ZNF219: variants seen among roughly 807,000 people sequenced by gnomAD.
ZNF219 encodes zinc finger protein 219.
In ZNF219, 17 loss-of-function variants were observed where a neutral mutation model predicts 54.4. That is an observed-to-expected ratio of 0.31 (90% CI 0.21 to 0.47). ZNF219 has a LOEUF of 0.47. ZNF219 is among the 20% of genes least tolerant of loss of function. The probability of loss-of-function intolerance (pLI) is 1.00; values close to 1 mark genes in which losing one functional copy is unlikely to be tolerated. For missense variants in ZNF219, 1,014 were observed against 1,062.3 expected, an observed-to-expected ratio of 0.95 and a Z score of 0.63; for synonymous variants, 518 against 476.4, an observed-to-expected ratio of 1.09 and a Z score of -1.14.
rs1888954257 is a variant in ZNF219, at chr14:21,092,132, C to T, written c.1165G>A (p.Gly389Ser). 1.3e-6 allele frequency: 2 copies of T among 1,503,914 alleles called. No individual in the cohort carries two copies. The highest frequency in any genetic ancestry group is 1.8e-6 in the Non-Finnish European group (2 of 1,130,112). 93.2% of individuals were successfully genotyped at this position (1,503,914 alleles called of 1,614,324 possible). A position where few individuals can be genotyped will look rare whatever the true frequency, so the allele number is the denominator to read the frequency against. The change falls in exon 3 of 5, where the codon GGC (glycine) becomes AGC (serine). Residue 389 changes from glycine (G) to serine (S), a missense_variant. Around this residue, in one of 5 missense-constraint regions of ZNF219, gnomAD observed 272 missense variants for 248.9 expected, o/e 1.09. Coordinates refer to ENST00000360947, the MANE Select transcript of ZNF219 (RefSeq NM_016423.3). ...TCAGCACCCTCGCCGTTGGGCCGGCCCTCGCCAGCTCGCAGGCTCAGGTAG... is the reference window on the plus strand; with the variant it reads ...TCAGCACCCTCGCCGTTGGGCCGGCTCTCGCCAGCTCGCAGGCTCAGGTAG... ...LGYLSLRAGE[G>S]RPNGEGAEPG... is the part of the protein sequence containing the mutation.
At position 21,092,382 on chromosome 14, in the gene ZNF219, C is replaced by G. The variant is rs777434690; in HGVS notation, c.915G>C (p.Pro305=). The G allele has an allele frequency of 6.3e-7, 1 of 1,575,454 alleles. No homozygotes were observed. Among genetic ancestry groups the G allele is most frequent in the East Asian group, 2.3e-5 (1 of 42,610 alleles). ...KHKASFDHAC[P]VCGRCFKEPW... ...GCTCCTTGAAGCAGCGGCCGCACAC[C>G]GGACACGCATGATCGAAGGAGGCCT... is the stretch of plus-strand genomic sequence containing the variant. The change falls in exon 3 of 5, where the codon CCG becomes CCC. Residue 305 remains proline, a synonymous_variant. Transcript: ENST00000360947.
chr14:21,092,483 G>A lies in ZNF219; in HGVS notation c.814C>T (p.Pro272Ser), dbSNP rs1325835441. The A allele has an allele frequency of 2.6e-6, 4 of 1,553,380 alleles. No individual in the cohort carries two copies. The highest frequency in any genetic ancestry group is 3.5e-6 in the Non-Finnish European group (4 of 1,148,458). The change falls in exon 3 of 5, where the codon CCG becomes TCG. Residue 272 changes from proline (P) to serine (S), a missense_variant. Around this residue, in one of 5 missense-constraint regions of ZNF219, gnomAD observed 395 missense variants for 415.1 expected, o/e 0.95. Transcript: ENST00000360947. ...PAAPEEPPAP[P>S]EFRCQVCGQS... ...CCGCACACTTGGCAGCGGAACTCCG[G>A]AGGCGCTGGGGGCTCCTCGGGAGCG...
rs148904564 is a variant in ZNF219 at position 21,092,859 on chromosome 14, G to A, written c.438C>T (p.Thr146=). The change falls in exon 3 of 5, where the codon ACC becomes ACT. Residue 146 remains threonine, a synonymous_variant. Coordinates refer to ENST00000360947, the MANE Select transcript of ZNF219 (RefSeq NM_016423.3). The part of the protein sequence containing the change: ...RARSSGGMQA[T]PATEGLARPQ... ...GCCGCGCCAGACCCTCAGTGGCAGG[G>A]GTGGCCTGCATGCCCCCTGAGCTTC... 3.4e-4 allele frequency: 523 copies of A among 1,557,046 alleles called. 2 individuals carry two copies. The highest frequency in any genetic ancestry group is 4.4e-4 in the Non-Finnish European group (507 of 1,152,300).
chr14:21,090,573 C>A lies in ZNF219; in HGVS notation c.2132G>T (p.Arg711Ile), dbSNP rs1354187338. 4 of 1,607,184 alleles carry A rather than the reference C, an allele frequency of 2.5e-6. No homozygotes were observed. The African/African-American group carries it at 5.3e-5, about 21-fold the overall frequency. The change falls in exon 5 of 5, where the codon AGA (arginine) becomes ATA (isoleucine). Residue 711 changes from arginine to isoleucine, a missense_variant. By Grantham distance (97) the Arg-to-Ile change is moderately conservative (BLOSUM62 -3). Transcript: ENST00000360947. This position sits in a 1 kb window ranked among gnomAD's most constrained non-coding sequence, Gnocchi z 4.4. ...CCCCCCCAGCCCTGCCTCTCCGGGTCTGGACAGCCCGGAGCCCTCCTCCCC... is the reference window on the plus strand; with the variant it reads ...CCCCCCCAGCCCTGCCTCTCCGGGTATGGACAGCCCGGAGCCCTCCTCCCC... ...QEGEEGSGLS[R>I]PGEAGLGGQE...
At chr14:21,103,754 G>C (rs1889799964), upstream of ZNF219, 1 of 155,030 alleles carries the variant, frequency 6.5e-6, no homozygotes. Flanking sequence ...TGAGTGACGC[G>C]AGGCGGGGAA....
rs1208905052 is a variant in ZNF219 at position 21,090,855 on chromosome 14, C to T, written c.1850G>A (p.Arg617His). Residue 617 changes from arginine to histidine, a missense_variant, in exon 5 of 5, where the codon CGC (arginine) becomes CAC (histidine). By Grantham distance (29) the Arg-to-His change is conservative (BLOSUM62 0). This residue lies in a region of ZNF219 where 281 missense variants were observed against 271.2 expected (regional missense o/e 1.04). Transcript: ENST00000360947. The surrounding 1 kb of genome is among the most constrained non-coding windows in gnomAD (Gnocchi z 4.4). ...RKPASPGRTL[R>H]NGRGGEAEPL... ...TTCGGCCTCACCGCCTCGCCCGTTGCGCAGGGTCCTCCCAGGGCTGGCGGG... is the reference window on the plus strand; with the variant it reads ...TTCGGCCTCACCGCCTCGCCCGTTGTGCAGGGTCCTCCCAGGGCTGGCGGG... 6.4e-7 allele frequency: 1 copy of T among 1,554,978 alleles called. No homozygotes were observed. Among genetic ancestry groups the T allele is most frequent in the African/African-American group, 1.4e-5 (1 of 73,676 alleles).
rs1247941689 is a variant in ZNF219, at chr14:21,090,192, G to A, written c.*344C>T. 3.6e-6 allele frequency: 2 copies of A among 548,084 alleles called. No homozygotes were observed. Among genetic ancestry groups the A allele is most frequent in the Non-Finnish European group, 7.0e-6 (2 of 286,224 alleles). The allele number at this position is 548,084 out of a possible 1,614,324, so 34.0% of individuals were successfully genotyped here. A position where few individuals can be genotyped will look rare whatever the true frequency, so the allele number is the denominator to read the frequency against. On this transcript the variant is annotated 3_prime_UTR_variant, in exon 5 of 5. Coordinates refer to ENST00000360947, the MANE Select transcript of ZNF219 (RefSeq NM_016423.3). This position sits in a 1 kb window ranked among gnomAD's most constrained non-coding sequence, Gnocchi z 4.4. ...CCTGATGGGGCTAGAAGGGTACAGTGCCCCCCACCCTCACCCCTTGTACAA... is the reference window on the plus strand; with the variant it reads ...CCTGATGGGGCTAGAAGGGTACAGTACCCCCCACCCTCACCCCTTGTACAA...
At chr14:21,091,711 T>C (rs1298612713) in intron 3 of ZNF219, among the ~76,000 whole-genome samples, 154 bp downstream of exon 3, 1 of 152,140 alleles carries the variant, frequency 6.6e-6, no homozygotes, top group African/African-American at 2.4e-5. Flanking sequence ...TCTCAAATGA[T>C]GGCAAAGCCT....
Position 21,091,031 on chromosome 14 carries a change from G to T in ZNF219, c.1674C>A (p.Pro558=). Residue 558 remains proline, a synonymous_variant, in exon 5 of 5, where the codon CCC becomes CCA. Coordinates refer to ENST00000360947, the MANE Select transcript of ZNF219 (RefSeq NM_016423.3). Reference sequence around the variant, plus strand: ...GAGGCGGTGGCTCCGGGGGTGGCCCGGGGCCGGCCCCGCTCCTCTGCTCCC... The same window carrying T: ...GAGGCGGTGGCTCCGGGGGTGGCCCTGGGCCGGCCCCGCTCCTCTGCTCCC... The part of the protein sequence containing the change: ...HHREQRSGAG[P]GPPPEPPPPS... The T allele has an allele frequency of 6.4e-7, 1 of 1,553,402 alleles. No individual in the cohort carries two copies.
chr14:21,092,719 A>T lies in ZNF219; in HGVS notation c.578T>A (p.Leu193Gln). The change falls in exon 3 of 5, where the codon CTG becomes CAG. Residue 193 changes from leucine to glutamine, a missense_variant. Leu to Gln is a moderately radical substitution (Grantham distance 113). Coordinates refer to ENST00000360947, the MANE Select transcript of ZNF219 (RefSeq NM_016423.3). ...HILHRPWKCG[L>Q]CSFGSSQEEE... Reference sequence around the variant, plus strand: ...CTCCTGGCTGGAGCCGAAACTGCACAGGCCGCACTTCCAGGGCCTATGCAG... The same window carrying T: ...CTCCTGGCTGGAGCCGAAACTGCACTGGCCGCACTTCCAGGGCCTATGCAG... 1.3e-6 allele frequency: 2 copies of T among 1,586,208 alleles called. No individual in the cohort carries two copies. Among genetic ancestry groups the T allele is most frequent in the East Asian group, 2.3e-5 (1 of 43,934 alleles).
chr14:21,092,074 C>A lies in ZNF219; in HGVS notation c.1223G>T (p.Arg408Leu). The A allele has an allele frequency of 6.5e-7, 1 of 1,536,168 alleles. No homozygotes were observed. The highest frequency in any genetic ancestry group is 1.8e-4 in the Middle Eastern group (1 of 5,504). Residue 408 changes from arginine to leucine, a missense_variant, in exon 3 of 5, where the codon CGC (arginine) becomes CTC (leucine). This residue lies in a region of ZNF219 where 272 missense variants were observed against 248.9 expected (regional missense o/e 1.09). Coordinates refer to ENST00000360947, the MANE Select transcript of ZNF219 (RefSeq NM_016423.3). ...GGCCGGGAGAGCAGAGGACAGCGGG[C>A]GGAAGCCTCCGAAGCTGCGGCCGGG... ...PGPGRSFGGF[R>L]PLSSALPARA...
chr14:21,095,209 A>G (rs937549753), intron 1 of ZNF219, among the ~76,000 whole-genome samples: 1 of 152,194 alleles, frequency 6.6e-6, no homozygotes, highest in Non-Finnish European at 1.5e-5. Flanking sequence ...TTATTAGCAG[A>G]TGATTAATTA....
chr14:21,103,502 C>T, upstream of ZNF219: 1 of 542,242 alleles, frequency 1.8e-6, no homozygotes, highest in Non-Finnish European at 3.1e-6. Context: ...CCCCATACAG[C>T]TTCACATTTG....
Position 21,098,621 on chromosome 14 carries a change from G to T in ZNF219, c.-393C>A. 1 of 1,016,876 alleles carries T rather than the reference G, an allele frequency of 9.8e-7. No individual in the cohort carries two copies. The highest frequency in any genetic ancestry group is 1.2e-6 in the Non-Finnish European group (1 of 847,038). 63.0% of individuals were successfully genotyped at this position (1,016,876 alleles called of 1,614,324 possible). On this transcript the variant is annotated 5_prime_UTR_variant, in exon 1 of 5. Coordinates refer to ENST00000360947, the MANE Select transcript of ZNF219 (RefSeq NM_016423.3). ...GGGGACCCCGGGAGCCGCGAGAGGC[G>T]GCCGCCAGGGGCGGGGTGCGGGCGG...
chr14:21,098,551 G>A lies in ZNF219; in HGVS notation c.-323C>T, dbSNP rs1889449432. On this transcript the variant is annotated 5_prime_UTR_variant, in exon 1 of 5. Transcript: ENST00000360947. ...ATGCGGGGGGCGGCGCGGCGGGGCT[G>A]GGAGCCGCGCGGGAGCCGGGCTCTG... 1 of 990,300 alleles carries A rather than the reference G, an allele frequency of 1.0e-6. No individual in the cohort carries two copies. The highest frequency in any genetic ancestry group is 1.2e-6 in the Non-Finnish European group (1 of 833,200). 61.3% of individuals were successfully genotyped at this position (990,300 alleles called of 1,614,324 possible). A position where few individuals can be genotyped will look rare whatever the true frequency, so the allele number is the denominator to read the frequency against.
At chr14:21,101,376 G>A (rs1566557207), upstream of ZNF219, 1 of 1,551,706 alleles carries the variant, frequency 6.4e-7, no homozygotes, top group Non-Finnish European at 8.7e-7. Flanking sequence ...AAGAGCAGGA[G>A]AGACACAGCC....
intron 1 of ZNF219, chr14:21,094,396 A>G: frequency 2.2e-6 from 1 of 455,924 alleles, no homozygotes; most frequent in Non-Finnish European, 4.4e-6. Context: ...AATACCGTAT[A>G]GGATTCATCC....
In ZNF219 at chr14:21,090,835, C is replaced by T. The variant is rs1363397908; in HGVS notation, c.1870G>A (p.Ala624Thr). ...RTLRNGRGGE[A>T]EPLDLSLRAG... ...CGCAAGGACAGGTCCAGGGGTTCGG[C>T]CTCACCGCCTCGCCCGTTGCGCAGG... is the stretch of plus-strand genomic sequence containing the variant. Residue 624 changes from alanine to threonine, a missense_variant, in exon 5 of 5, where the codon GCC (alanine) becomes ACC (threonine). By Grantham distance (58) the Ala-to-Thr change is moderately conservative. Transcript: ENST00000360947. This position sits in a 1 kb window ranked among gnomAD's most constrained non-coding sequence, Gnocchi z 4.4. The T allele has an allele frequency of 6.4e-7, 1 of 1,556,874 alleles. No homozygotes were observed. The highest frequency in any genetic ancestry group is 8.7e-7 in the Non-Finnish European group (1 of 1,151,072).
chr14:21,092,302 C>G lies in ZNF219; in HGVS notation c.995G>C (p.Arg332Pro), dbSNP rs777018373. Residue 332 changes from arginine to proline, a missense_variant, in exon 3 of 5, where the codon CGT becomes CCT. By Grantham distance (103) the Arg-to-Pro change is moderately radical. Coordinates refer to ENST00000360947, the MANE Select transcript of ZNF219 (RefSeq NM_016423.3). ...KVHASKLGPLRAPGPASGPAR... is the reference protein window; with the variant it reads ...KVHASKLGPLPAPGPASGPAR... ...AGGCCCGGAGGCAGGCCCCGGGGCACGCAGTGGGCCCAGCTTGCTGGCGTG... is the reference window on the plus strand; with the variant it reads ...AGGCCCGGAGGCAGGCCCCGGGGCAGGCAGTGGGCCCAGCTTGCTGGCGTG... 1 of 1,533,926 alleles carries G rather than the reference C, an allele frequency of 6.5e-7. No homozygotes were observed. Among genetic ancestry groups the G allele is most frequent in the Non-Finnish European group, 8.7e-7 (1 of 1,143,140 alleles).
Sources: allele counts gnomAD v4.1 joint callset (sites outside exome capture counted in the v4.1 genomes callset), GRCh38; gene constraint gnomAD v4.1.1; regional missense constraint gnomAD v4.1.1; non-coding constraint Gnocchi (gnomAD v3.1); transcripts MANE v1.5; gene names NCBI Gene and HGNC (gene_info 2026-07-23, HGNC 2026-07-21).